Variants in KIF21B observed in about 807,000 individuals in gnomAD.
The protein encoded by KIF21B is kinesin family member 21B.
KIF21B carries 85 observed loss-of-function variants against 192.9 expected under a neutral mutation model. That is an observed-to-expected ratio of 0.44 (90% CI 0.37 to 0.53). The LOEUF is 0.53. Ranked by LOEUF, KIF21B falls within the 20% of genes least tolerant of loss-of-function variation. KIF21B has a pLI of 0.00. For synonymous variants in KIF21B, 832 were observed against 884.6 expected (o/e 0.94, Z 1.05); for missense variants, 1,716 against 2,194.8 (o/e 0.78, Z 4.36).
chr1:201,005,605 G>C lies in KIF21B; in HGVS notation c.537C>G (p.Asp179Glu), dbSNP rs763083427. The C allele has an allele frequency of 3.1e-6, 5 of 1,613,886 alleles. No individual in the cohort carries two copies. Among genetic ancestry groups the C allele is most frequent in the Non-Finnish European group, 4.2e-6 (5 of 1,179,932 alleles). Residue 179 changes from aspartate (D) to glutamate (E), a missense_variant, in exon 4 of 35, where the codon GAC becomes GAG. Asp to Glu is a conservative substitution (Grantham distance 45, BLOSUM62 2). Coordinates refer to ENST00000461742, the MANE Select transcript of KIF21B (RefSeq NM_001252102.2). ...HRRSNIKIHE[D>E]ANGGIYTTGV... The stretch of plus-strand genomic sequence containing the variant: ...CAGTGGTGTAGATGCCACCGTTTGC[G>C]TCCTCGTGGATCTTGATGTTGGACC...
chr1:200,994,876 G>A (rs1019184757), intron 15 of KIF21B, among the ~76,000 whole-genome samples: 1 of 152,198 alleles, frequency 6.6e-6, no homozygotes, highest in Non-Finnish European at 1.5e-5. Context: ...TGGGTGCAGG[G>A]GCCCTTGGGT....
intron 21 of KIF21B, 56 bp downstream of exon 21, chr1:200,989,886 A>G: frequency 7.2e-7 from 1 of 1,394,886 alleles, no homozygotes; most frequent in Non-Finnish European, 1.0e-6. Flanking sequence ...ACTAGGGTAT[A>G]TCACAGAGGC....
chr1:201,019,070 G>A (rs1658669797), intron 1 of KIF21B, among the ~76,000 whole-genome samples: 1 of 152,150 alleles, frequency 6.6e-6, no homozygotes. Context: ...GAGTAGCTGG[G>A]ACTACAGGCA....
rs773699064 is a variant in KIF21B, at chr1:200,987,218, AG to A, written c.3409-18del. ...GGGCTCGCTCTGGGAAAAGAAGAAC[AG>A]GGTGGATCAACTTGCCCAAATTGCA... On this transcript the variant is annotated intron_variant, in intron 24 of 34. Coordinates refer to ENST00000461742, the MANE Select transcript of KIF21B (RefSeq NM_001252102.2). 2 of 1,597,628 alleles carry A rather than the reference AG, an allele frequency of 1.3e-6. No homozygotes were observed. Among genetic ancestry groups the A allele is most frequent in the Admixed American group, 3.5e-5 (2 of 57,548 alleles).
chr1:200,985,254 G>A (rs1258309501), intron 26 of KIF21B, among the ~76,000 whole-genome samples: 3 of 152,304 alleles, frequency 2.0e-5, no homozygotes, highest in East Asian at 1.9e-4. Context: ...TTGAAAGGCC[G>A]AGGTGGGAGG....
In KIF21B at chr1:200,974,218, C is replaced by G. The variant is rs1276223017; in HGVS notation, c.4814+496G>C. 4 of 1,527,596 alleles carry G rather than the reference C, an allele frequency of 2.6e-6. No homozygotes were observed. The African/African-American group carries it at 5.6e-5, about 21-fold the overall frequency. The allele number at this position is 1,527,596 out of a possible 1,614,324, so 94.6% of individuals were successfully genotyped here. A position where few individuals can be genotyped will look rare whatever the true frequency, so the allele number is the denominator to read the frequency against. On this transcript the variant is annotated intron_variant, in intron 34 of 34. Coordinates refer to ENST00000461742, the MANE Select transcript of KIF21B (RefSeq NM_001252102.2). ...CACTGTGTGGGGAGAGAGGCGAGGA[C>G]AGAGAGGAGAGGTGGGAGGAGATGG...
intron 8 of KIF21B, 50 bp from the exon 9 acceptor site, chr1:201,002,400 G>C (rs41269929): frequency 1.9e-5 from 30 of 1,552,172 alleles, no homozygotes; most frequent in Non-Finnish European, 2.5e-5. Context: ...CTCGCGGTTG[G>C]GGGGGTAAGG....
intron 15 of KIF21B, among the ~76,000 whole-genome samples, chr1:200,993,011 AAAT>A (rs1432557137): frequency 2.5e-4 from 38 of 152,336 alleles, no homozygotes; most frequent in Non-Finnish European, 5.9e-5. Flanking sequence ...TTCCGAAAAC[AAAT>A]CATCGCCTCC....
chr1:201,014,248 T>C (rs547551852), intron 1 of KIF21B, among the ~76,000 whole-genome samples: 3 of 152,290 alleles, frequency 2.0e-5, no homozygotes, highest in East Asian at 3.9e-4. Flanking sequence ...GCCAGGGACA[T>C]GCGGGCGGCT....
Position 201,008,750 on chromosome 1 carries a change from C to A in KIF21B, c.447+19G>T, listed in dbSNP as rs780847282. 1.3e-6 allele frequency: 2 copies of A among 1,576,750 alleles called. No homozygotes were observed. Among genetic ancestry groups the A allele is most frequent in the South Asian group, 1.1e-5 (1 of 87,236 alleles). On this transcript the variant is annotated intron_variant, in intron 3 of 34. Transcript: ENST00000461742. ...GTCCACCAAGCCTCCCACCTGCCCA[C>A]CCTATGGGGCCACAGTACCTCCAGA...
rs1423837149 is a variant in KIF21B at position 200,969,533 on chromosome 1, T to C, written c.*3988A>G. 2.0e-5 allele frequency: 3 copies of C among 152,794 alleles called. No individual in the cohort carries two copies. Among genetic ancestry groups the C allele is most frequent in the African/African-American group, 7.2e-5 (3 of 41,468 alleles). 9.5% of individuals were successfully genotyped at this position (152,794 alleles called of 1,614,324 possible). A position where few individuals can be genotyped will look rare whatever the true frequency, so the allele number is the denominator to read the frequency against. ...AGGTACAAAACATATATACACCTTGTGCTAGTCACATCATGGAGGACAGCA... is the reference window on the plus strand; with the variant it reads ...AGGTACAAAACATATATACACCTTGCGCTAGTCACATCATGGAGGACAGCA... On this transcript the variant is annotated 3_prime_UTR_variant, in exon 35 of 35. Coordinates refer to ENST00000461742, the MANE Select transcript of KIF21B (RefSeq NM_001252102.2).
At chr1:201,010,058 A>G (rs1033235821) in intron 1 of KIF21B, among the ~76,000 whole-genome samples, 4 of 152,202 alleles carry the variant, frequency 2.6e-5, no homozygotes, top group African/African-American at 9.6e-5. Flanking sequence ...ACATTCCCAG[A>G]GCCAGGACTA....
At chr1:201,002,083 G>C in intron 9 of KIF21B, 78 bp downstream of exon 9, 1 of 1,294,770 alleles carries the variant, frequency 7.7e-7, no homozygotes, top group Non-Finnish European at 1.1e-6. Flanking sequence ...TAGTCCACCT[G>C]ATACTCTGGG....
intron 1 of KIF21B, among the ~76,000 whole-genome samples, chr1:201,022,694 T>C (rs973788877): frequency 2.0e-5 from 3 of 152,208 alleles, no homozygotes; most frequent in African/African-American, 7.2e-5. Flanking sequence ...ATGGGGCATC[T>C]GCATCACACC....
In KIF21B at chr1:200,999,218, T is replaced by G; in HGVS notation, c.1885+131A>C. ...CCATCATTCTCATCATGACTGCCTG[T>G]TGTCATTGGTTTCACGTCTGGGAGT... On this transcript the variant is annotated intron_variant, in intron 13 of 34. Coordinates refer to ENST00000461742, the MANE Select transcript of KIF21B (RefSeq NM_001252102.2). This position sits in a 1 kb window ranked among gnomAD's most constrained non-coding sequence, Gnocchi z 4.7. 1 of 1,060,206 alleles carries G rather than the reference T, an allele frequency of 9.4e-7. No individual in the cohort carries two copies. The highest frequency in any genetic ancestry group is 1.4e-6 in the Non-Finnish European group (1 of 690,496). The allele number at this position is 1,060,206 out of a possible 1,614,324, so 65.7% of individuals were successfully genotyped here.
intron 33 of KIF21B, 69 bp from the exon 34 acceptor site, chr1:200,974,982 T>A: frequency 6.7e-7 from 1 of 1,502,044 alleles, no homozygotes; most frequent in South Asian, 1.2e-5. Context: ...CCAGGGCCCC[T>A]CTTGCTAGTA....
At position 200,990,317 on chromosome 1, in the gene KIF21B, A is replaced by G; in HGVS notation, c.2851T>C (p.Phe951Leu). 20 of 1,611,116 alleles carry G rather than the reference A, an allele frequency of 1.2e-5. No homozygotes were observed. Among genetic ancestry groups the G allele is most frequent in the Non-Finnish European group, 1.7e-5 (20 of 1,178,982 alleles). Residue 951 changes from phenylalanine (F) to leucine (L), a missense_variant, in exon 20 of 35, where the codon TTC (phenylalanine) becomes CTC (leucine). This residue lies in a region of KIF21B where 1,087 missense variants were observed against 1,316.6 expected (regional missense o/e 0.83). Transcript: ENST00000461742. The surrounding 1 kb of genome is among the most constrained non-coding windows in gnomAD (Gnocchi z 5.4). ...ERLIKKREEL[F>L]LLQEALRRKR... ...CTCCGCAGTGCCTCCTGCAGGAGGA[A>G]CAGCTCCTCCCTTTTCTGGGGTCAG...
chr1:200,975,732 A>C lies in KIF21B; in HGVS notation c.4444-63T>G, dbSNP rs1655508158. The C allele has an allele frequency of 6.7e-7, 1 of 1,490,294 alleles. No homozygotes were observed. Among genetic ancestry groups the C allele is most frequent in the Admixed American group, 2.0e-5 (1 of 49,960 alleles). 92.3% of individuals were successfully genotyped at this position (1,490,294 alleles called of 1,614,324 possible). The stretch of plus-strand genomic sequence containing the variant: ...GAGGATGGAAGGCAGGGCCTACAGC[A>C]CTGTGGACCCAGAGGCCTGAAGACC... On this transcript the variant is annotated intron_variant, in intron 32 of 34. Coordinates refer to ENST00000461742, the MANE Select transcript of KIF21B (RefSeq NM_001252102.2). This position sits in a 1 kb window ranked among gnomAD's most constrained non-coding sequence, Gnocchi z 4.3.
rs527985183 is a variant in KIF21B at position 200,988,890 on chromosome 1, C to T, written c.3174G>A (p.Leu1058=). The change falls in exon 22 of 35, where the codon TTG becomes TTA. Residue 1058 remains leucine (L), a synonymous_variant. Coordinates refer to ENST00000461742, the MANE Select transcript of KIF21B (RefSeq NM_001252102.2). ...VAQKEAQIRL[L]EGRLRQTDMA... is the part of the protein sequence containing the mutation. ...TATCCGTCTGCCTCAGTCGGCCCTC[C>T]AACAGCCGGATCTGGGCTTCCTTTT... The T allele has an allele frequency of 6.2e-7, 1 of 1,612,904 alleles. No individual in the cohort carries two copies.
Sources: gnomAD v4.1 joint callset for allele counts (sites outside exome capture counted in the v4.1 genomes callset) on GRCh38, gnomAD v4.1.1 for gene constraint, gnomAD v4.1.1 regional missense constraint, Gnocchi (gnomAD v3.1) non-coding constraint, MANE v1.5 for transcripts, NCBI Gene and HGNC (gene_info 2026-07-23, HGNC 2026-07-21) for gene names.